The following ESR1 variants were observed in gnomAD, a reference collection of about 807,000 sequenced individuals.
The protein encoded by ESR1 is estrogen receptor 1.
A neutral mutation model predicts 52.7 loss-of-function variants in ESR1; 12 were observed. The ratio of observed to expected loss-of-function variants is 0.23; its 90% CI spans 0.15 to 0.37. The LOEUF (loss-of-function observed/expected upper bound fraction) is 0.37, where lower values mean the gene tolerates loss of function less well. Among genes scored for constraint, ESR1 ranks in the 10% least tolerant of loss-of-function variants. ESR1 has a pLI of 1.00. For missense variants in ESR1, 584 were observed against 779.7 expected, an observed-to-expected ratio of 0.75 and a Z score of 2.99; for synonymous variants, 305 against 316.8, an observed-to-expected ratio of 0.96 and a Z score of 0.39.
intron 3 of ESR1, among the ~76,000 whole-genome samples, chr6:151,912,017 C>T (rs577218514): frequency 9.2e-4 from 140 of 152,300 alleles, no homozygotes; most frequent in African/African-American, 3.3e-3. Flanking sequence ...AGTTCAACAC[C>T]TCAGTTGCAC....
intron 6 of ESR1, among the ~76,000 whole-genome samples, chr6:152,070,394 A>G (rs1489076144): frequency 1.5e-5 from 2 of 137,716 alleles, no homozygotes; most frequent in Non-Finnish European, 3.0e-5. Flanking sequence ...GGAAACAACA[A>G]CAAAATTCCA....
intron 6 of ESR1, among the ~76,000 whole-genome samples, chr6:152,069,332 G>A (rs1381204726): frequency 1.5e-5 from 2 of 136,612 alleles, no homozygotes; most frequent in Non-Finnish European, 3.0e-5. Context: ...CTCGGAGGGG[G>A]TCCTCACTCT....
intron 3 of ESR1, among the ~76,000 whole-genome samples, chr6:151,911,484 G>A (rs548463450): frequency 3.7e-4 from 56 of 152,058 alleles, no homozygotes; most frequent in African/African-American, 1.2e-3. Flanking sequence ...TTCTCCCCAC[G>A]TCTTTCCTAT....
At chr6:152,123,719 A>C (rs1003177097) in intron 6 of ESR1, among the ~76,000 whole-genome samples, 2 of 152,248 alleles carry the variant, frequency 1.3e-5, no homozygotes, top group African/African-American at 4.8e-5. Context: ...TGTAGCCAAA[A>C]GAAACACTCC....
chr6:151,704,790 G>T (rs958214679), intron 2 of ESR1, among the ~76,000 whole-genome samples: 2 of 152,006 alleles, frequency 1.3e-5, no homozygotes, highest in African/African-American at 4.8e-5. Flanking sequence ...CTAGGAAAGC[G>T]AACTAAGGCT....
chr6:151,730,439 C>T (rs557653193), intron 2 of ESR1, among the ~76,000 whole-genome samples: 5 of 152,256 alleles, frequency 3.3e-5, no homozygotes, highest in Admixed American at 6.5e-5. Context: ...GCTCATCTGT[C>T]TCCATGTGTG....
chr6:151,735,946 C>T (rs937025553), intron 2 of ESR1, among the ~76,000 whole-genome samples: 4 of 152,152 alleles, frequency 2.6e-5, no homozygotes, highest in African/African-American at 7.2e-5. Context: ...CACCTTCACA[C>T]GCTGTCACTC....
At chr6:151,991,221 G>A (rs1422696403) in intron 4 of ESR1, among the ~76,000 whole-genome samples, 1 of 152,162 alleles carries the variant, frequency 6.6e-6, no homozygotes, top group African/African-American at 2.4e-5. Flanking sequence ...CCTGATTTGG[G>A]TAACTCTGAG....
At chr6:152,042,554 G>C (rs1259535859) in intron 5 of ESR1, among the ~76,000 whole-genome samples, 1 of 152,180 alleles carries the variant, frequency 6.6e-6, no homozygotes, top group East Asian at 1.9e-4. Flanking sequence ...TAAATTGTCA[G>C]CAATGTAGTG....
chr6:151,820,218 G>C (rs2128188343), intron 1 of ESR1, among the ~76,000 whole-genome samples: 1 of 152,298 alleles, frequency 6.6e-6, no homozygotes, highest in African/African-American at 2.4e-5. Flanking sequence ...AGGTGAGGTT[G>C]TGAAGAGGAA....
At chr6:151,756,229 C>T (rs1397922561) in intron 2 of ESR1, among the ~76,000 whole-genome samples, 16 of 152,054 alleles carry the variant, frequency 1.1e-4, no homozygotes, top group Admixed American at 1.0e-3. Context: ...TACTCCCTTA[C>T]TAAATTTTTT....
chr6:152,117,791 C>T (rs527946453), intron 6 of ESR1, among the ~76,000 whole-genome samples: 2 of 152,290 alleles, frequency 1.3e-5, no homozygotes, highest in South Asian at 4.1e-4. Context: ...CTGTGGTAGC[C>T]TCCAGTGGAT....
In ESR1 at chr6:152,094,270, G is replaced by T. The variant is rs1038192310; in HGVS notation, c.1370-115G>T. Reference sequence around the variant, plus strand: ...TGGGTCCAGAGCATCCCCATTGCTAGACTACTGTGCTGAGGAAGGGCACTG... The same window carrying T: ...TGGGTCCAGAGCATCCCCATTGCTATACTACTGTGCTGAGGAAGGGCACTG... On this transcript the variant is annotated intron_variant, in intron 6 of 7. Coordinates refer to ENST00000206249, the MANE Select transcript of ESR1 (RefSeq NM_000125.4). This position sits in a 1 kb window ranked among gnomAD's most constrained non-coding sequence, Gnocchi z 4.6. 2.2e-6 allele frequency: 2 copies of T among 892,176 alleles called. No individual in the cohort carries two copies. The highest frequency in any genetic ancestry group is 3.8e-6 in the Non-Finnish European group (2 of 525,864). The allele number at this position is 892,176 out of a possible 1,614,324, so 55.3% of individuals were successfully genotyped here.
At chr6:152,069,834 C>T (rs1030423559) in intron 6 of ESR1, among the ~76,000 whole-genome samples, 1 of 137,490 alleles carries the variant, frequency 7.3e-6, no homozygotes, top group Non-Finnish European at 1.5e-5. Context: ...CGGACTGGTA[C>T]CAGTTTGCAA....
In ESR1 at chr6:152,102,306, G is replaced by A. The variant is rs2050986229; in HGVS notation, c.*3340G>A. ...GCTTAGAGTACTCCTTCCCCTGCAT[G>A]ACACTGATTACAAATACTTTCCTAT... is the stretch of plus-strand genomic sequence containing the variant. On this transcript the variant is annotated 3_prime_UTR_variant, in exon 8 of 8. Coordinates refer to ENST00000206249, the MANE Select transcript of ESR1 (RefSeq NM_000125.4). 4.8e-6 allele frequency: 1 copy of A among 207,264 alleles called. No individual in the cohort carries two copies. Among genetic ancestry groups the A allele is most frequent in the African/African-American group, 2.3e-5 (1 of 43,884 alleles). 12.8% of individuals were successfully genotyped at this position (207,264 alleles called of 1,614,324 possible).
chr6:151,681,166 C>G (rs951225693), intron 1 of ESR1, among the ~76,000 whole-genome samples: 1 of 152,150 alleles, frequency 6.6e-6, no homozygotes, highest in African/African-American at 2.4e-5. Flanking sequence ...AGCTCGTCTT[C>G]TGAAATTTTG....
intron 6 of ESR1, among the ~76,000 whole-genome samples, chr6:152,084,283 G>C (rs1284374267): frequency 6.6e-6 from 1 of 151,444 alleles, no homozygotes; most frequent in Non-Finnish European, 1.5e-5. Context: ...GGGTTGGGGG[G>C]CTGGGGGAGG....
chr6:151,982,506 A>G (rs1011382239), intron 4 of ESR1, among the ~76,000 whole-genome samples: 1 of 151,616 alleles, frequency 6.6e-6, no homozygotes, highest in African/African-American at 2.4e-5. Flanking sequence ...TTTTCCTGAG[A>G]TGGAGTCTTG....
intron 6 of ESR1, among the ~76,000 whole-genome samples, chr6:152,063,428 T>A (rs1435533812): frequency 1.3e-5 from 2 of 152,150 alleles, no homozygotes; most frequent in Non-Finnish European, 2.9e-5. Flanking sequence ...ACCACTCTTT[T>A]CCCTACAAAA....
Sources: gnomAD v4.1 joint callset for allele counts (sites outside exome capture counted in the v4.1 genomes callset) on GRCh38, gnomAD v4.1.1 for gene constraint, Gnocchi (gnomAD v3.1) non-coding constraint, MANE v1.5 for transcripts, NCBI Gene and HGNC (gene_info 2026-07-23, HGNC 2026-07-21) for gene names.